The following OSBPL8 variants were observed in gnomAD, a reference collection of about 807,000 sequenced individuals.
The protein encoded by OSBPL8 is oxysterol binding protein like 8.
A neutral mutation model predicts 125.5 loss-of-function variants in OSBPL8; 59 were observed. The observed-to-expected ratio is 0.47, with a 90% CI of 0.38 to 0.58. The LOEUF is 0.58. Ranked by LOEUF, OSBPL8 falls within the 20% of genes least tolerant of loss-of-function variation. The probability of loss-of-function intolerance (pLI) is 0.00; values close to 1 mark genes in which losing one functional copy is unlikely to be tolerated. For missense variants in OSBPL8, 758 were observed against 1,047.8 expected, an observed-to-expected ratio of 0.72 and a Z score of 3.82; for synonymous variants, 330 against 338.9, an observed-to-expected ratio of 0.97 and a Z score of 0.29.
At chr12:76,528,271 G>A (rs571059719) in intron 1 of OSBPL8, among the ~76,000 whole-genome samples, 1 of 147,634 alleles carries the variant, frequency 6.8e-6, no homozygotes, top group South Asian at 2.1e-4. Context: ...AGGCTGCAGT[G>A]AGCCAAGATC....
chr12:76,463,352 G>C (rs1459885744), intron 2 of OSBPL8, among the ~76,000 whole-genome samples: 2 of 152,188 alleles, frequency 1.3e-5, no homozygotes. Context: ...ATCTGAGACA[G>C]AAAAGATAGT....
chr12:76,358,667 A>G, intron 22 of OSBPL8, 39 bp downstream of exon 22: 1 of 1,480,798 alleles, frequency 6.8e-7, no homozygotes, highest in Non-Finnish European at 9.4e-7. Flanking sequence ...TAGTAATTAA[A>G]AAGTTAGACT....
intron 4 of OSBPL8, among the ~76,000 whole-genome samples, chr12:76,420,453 G>T (rs1239268425): frequency 6.6e-6 from 1 of 152,034 alleles, no homozygotes; most frequent in Non-Finnish European, 1.5e-5. Flanking sequence ...CAAACACATT[G>T]CATCATGACA....
chr12:76,359,382 C>T (rs927114833), intron 21 of OSBPL8, among the ~76,000 whole-genome samples: 1 of 152,084 alleles, frequency 6.6e-6, no homozygotes, highest in Non-Finnish European at 1.5e-5. Context: ...ATTATTTAAA[C>T]TTACTGAAAG....
chr12:76,533,183 T>G (rs1950396945), intron 1 of OSBPL8, among the ~76,000 whole-genome samples: 1 of 152,198 alleles, frequency 6.6e-6, no homozygotes, highest in South Asian at 2.1e-4. Flanking sequence ...TACAATAGCA[T>G]AGTATTCATT....
chr12:76,363,732 A>T (rs1952296713), intron 21 of OSBPL8, among the ~76,000 whole-genome samples: 1 of 152,180 alleles, frequency 6.6e-6, no homozygotes, highest in Admixed American at 6.5e-5. Context: ...AACCTACAGA[A>T]TGGGAGAAAA....
intron 1 of OSBPL8, among the ~76,000 whole-genome samples, chr12:76,524,643 A>T (rs1236426241): frequency 6.6e-6 from 1 of 152,180 alleles, no homozygotes; most frequent in Non-Finnish European, 1.5e-5. Flanking sequence ...AAAAGAAAAG[A>T]AAATCAAAAT....
At chr12:76,408,588 C>T (rs186550019) in intron 5 of OSBPL8, among the ~76,000 whole-genome samples, 9 of 151,914 alleles carry the variant, frequency 5.9e-5, no homozygotes, top group African/African-American at 2.2e-4. Context: ...CCCAGTAGAA[C>T]GTTCTAAATG....
rs1205563325 is a variant in OSBPL8 at position 76,352,119 on chromosome 12, C to T, written c.*3770G>A. ...CATTTAAACTCAGATGTATATTTAG[C>T]ATGCTAAAAAGTGAAAAAAATTTCA... On this transcript the variant is annotated 3_prime_UTR_variant, in exon 24 of 24. Coordinates refer to ENST00000261183, the MANE Select transcript of OSBPL8 (RefSeq NM_020841.5). 1 of 152,466 alleles carries T rather than the reference C, an allele frequency of 6.6e-6. No individual in the cohort carries two copies. Among genetic ancestry groups the T allele is most frequent in the Non-Finnish European group, 1.5e-5 (1 of 68,016 alleles). 9.4% of individuals were successfully genotyped at this position (152,466 alleles called of 1,614,324 possible). A position where few individuals can be genotyped will look rare whatever the true frequency, so the allele number is the denominator to read the frequency against.
intron 1 of OSBPL8, among the ~76,000 whole-genome samples, chr12:76,554,893 A>G (rs1951049421): frequency 1.3e-5 from 2 of 152,192 alleles, no homozygotes; most frequent in Non-Finnish European, 2.9e-5. Flanking sequence ...TAGTCTTTTT[A>G]TAATAAAATT....
At chr12:76,533,952 C>T (rs962122699) in intron 1 of OSBPL8, among the ~76,000 whole-genome samples, 3 of 152,014 alleles carry the variant, frequency 2.0e-5, no homozygotes, top group Middle Eastern at 3.2e-3. Flanking sequence ...CAAAAATACA[C>T]GTGAAATAAA....
intron 1 of OSBPL8, among the ~76,000 whole-genome samples, chr12:76,552,020 C>T (rs943348925): frequency 1.4e-5 from 2 of 147,116 alleles, no homozygotes; most frequent in African/African-American, 4.9e-5. Flanking sequence ...GAGCCTAAAC[C>T]TCTGCATCTG....
Position 76,551,950 on chromosome 12 carries a change from T to C in OSBPL8, c.-68+7447A>G, listed in dbSNP as rs563646874. Among the ~76,000 whole-genome samples the C allele has an allele frequency of 1.4e-4, 21 of 152,326 alleles. No individual in the cohort carries two copies. The South Asian group carries it at 3.1e-3, about 23-fold the overall frequency. On this transcript the variant is annotated intron_variant, in intron 1 of 23. Coordinates refer to ENST00000261183, the MANE Select transcript of OSBPL8 (RefSeq NM_020841.5). ...TTCCTATTTGGTACACAAATTTCTT[T>C]CACATGGTAAATTTAGGGACTGTAG... is the stretch of plus-strand genomic sequence containing the variant.
At chr12:76,503,213 T>C (rs1880081854) in intron 1 of OSBPL8, among the ~76,000 whole-genome samples, 1 of 152,210 alleles carries the variant, frequency 6.6e-6, no homozygotes, top group Non-Finnish European at 1.5e-5. Context: ...CAACAGAACA[T>C]TATTTCCTCA....
chr12:76,428,254 A>G (rs7954730), intron 4 of OSBPL8, among the ~76,000 whole-genome samples: 33,298 of 151,922 alleles, frequency 0.22, 3,878 homozygotes, highest in Non-Finnish European at 0.27. Context: ...AGAGTCTCTG[A>G]AATCTGCTAA....
At chr12:76,386,752 T>C (rs546606909) in intron 12 of OSBPL8, 92 bp from the exon 13 acceptor site, 28 of 800,760 alleles carry the variant, frequency 3.5e-5, no homozygotes, top group African/African-American at 3.3e-4. Flanking sequence ...TGAAACATGA[T>C]TGGAAAACAT....
chr12:76,417,836 CCT>C (rs1486171044), intron 4 of OSBPL8, among the ~76,000 whole-genome samples: 1 of 152,076 alleles, frequency 6.6e-6, no homozygotes. Flanking sequence ...GCCTTACCAG[CCT>C]CTTTCTACTG....
chr12:76,401,458 T>C (rs1339486110), intron 6 of OSBPL8, among the ~76,000 whole-genome samples: 1 of 152,202 alleles, frequency 6.6e-6, no homozygotes, highest in Non-Finnish European at 1.5e-5. Flanking sequence ...TGTATTGTCA[T>C]TACGTCATTT....
chr12:76,555,769 G>T (rs555042358), intron 1 of OSBPL8, among the ~76,000 whole-genome samples: 3 of 152,160 alleles, frequency 2.0e-5, no homozygotes, highest in African/African-American at 7.2e-5. Flanking sequence ...GACCCTTATC[G>T]TACTTCCAAA....
Sources: gnomAD v4.1 joint callset for allele counts (sites outside exome capture counted in the v4.1 genomes callset) on GRCh38, gnomAD v4.1.1 for gene constraint, MANE v1.5 for transcripts, NCBI Gene and HGNC (gene_info 2026-07-23, HGNC 2026-07-21) for gene names.